Variants in UPRT observed in about 807,000 individuals in gnomAD.
The protein encoded by UPRT is RP11-311P8.3.
In UPRT, 5 loss-of-function variants were observed where a neutral mutation model predicts 22.6. That is an observed-to-expected ratio of 0.22 (90% CI 0.12 to 0.47). The LOEUF (loss-of-function observed/expected upper bound fraction) is 0.47. Among genes scored for constraint, UPRT ranks in the 20% least tolerant of loss-of-function variants. The probability of loss-of-function intolerance (pLI) is 0.99; values close to 1 mark genes in which losing one functional copy is unlikely to be tolerated. For synonymous variants in UPRT, 77 were observed against 87.7 expected, an observed-to-expected ratio of 0.88 and a Z score of 0.68; for missense variants, 181 against 239.9, an observed-to-expected ratio of 0.75 and a Z score of 1.62.
chrX:75,157,282 T>G (rs1392744561), intron 1 of UPRT, among the ~76,000 whole-genome samples: 1 of 112,353 alleles, frequency 8.9e-6, no homozygotes, highest in Non-Finnish European at 1.9e-5. Flanking sequence ...AGAGGTACTT[T>G]GGACTAGTAA....
intron 1 of UPRT, among the ~76,000 whole-genome samples, chrX:75,157,013 T>C (rs1234565395): frequency 2.7e-5 from 3 of 111,383 alleles, no homozygotes; most frequent in African/African-American, 9.8e-5. Context: ...TCTTGAAAAA[T>C]CGCTTAGGTT....
chrX:75,304,387 T>A lies in UPRT; in HGVS notation c.*876T>A, dbSNP rs987203118. ...GATGTTTCTGCTAGAGACCTTTGAT[T>A]TGGAAATTAGTTATTTTGCATGTTT... On this transcript the variant is annotated 3_prime_UTR_variant, in exon 7 of 7. Transcript: ENST00000373383. 1.8e-5 allele frequency: 2 copies of A among 111,334 alleles called. No homozygotes were observed. Among genetic ancestry groups the A allele is most frequent in the African/African-American group, 6.5e-5 (2 of 30,599 alleles). 9.2% of individuals were successfully genotyped at this position (111,334 alleles called of 1,213,427 possible). A position where few individuals can be genotyped will look rare whatever the true frequency, so the allele number is the denominator to read the frequency against.
At chrX:75,228,805 G>T (rs756413828) in intron 4 of UPRT, among the ~76,000 whole-genome samples, 32 of 111,686 alleles carry the variant, frequency 2.9e-4, no homozygotes, top group Non-Finnish European at 5.8e-4. Flanking sequence ...TCAAAAAGTT[G>T]GCAATATGTA....
intron 4 of UPRT, among the ~76,000 whole-genome samples, chrX:75,179,118 A>G (rs1200105879): frequency 1.8e-5 from 2 of 112,203 alleles, no homozygotes; most frequent in Non-Finnish European, 3.8e-5. Context: ...ATAAACCTTG[A>G]GCTAAACACA....
At chrX:75,250,865 G>A (rs900019456) in intron 4 of UPRT, among the ~76,000 whole-genome samples, 3 of 111,816 alleles carry the variant, frequency 2.7e-5, no homozygotes, top group Non-Finnish European at 5.6e-5. Context: ...TATCCACCAT[G>A]ATCAAGTGGG....
At chrX:75,255,816 A>G (rs1028757342) in intron 4 of UPRT, among the ~76,000 whole-genome samples, 5 of 112,093 alleles carry the variant, frequency 4.5e-5, no homozygotes, top group South Asian at 7.4e-4. Context: ...AAGTATCACA[A>G]TCCTAAACAT....
intron 4 of UPRT, among the ~76,000 whole-genome samples, chrX:75,170,891 C>A (rs1233140107): frequency 9.0e-6 from 1 of 111,544 alleles, no homozygotes; most frequent in Admixed American, 9.5e-5. Flanking sequence ...AGGAAGTTAA[C>A]AATAGGACCC....
intron 4 of UPRT, among the ~76,000 whole-genome samples, chrX:75,209,792 C>A (rs995391194): frequency 3.6e-5 from 4 of 112,467 alleles, no homozygotes; most frequent in African/African-American, 1.3e-4. Context: ...GTGACTGTTG[C>A]AAAGTTGAGG....
At chrX:75,218,308 C>G (rs1336504139) in intron 4 of UPRT, among the ~76,000 whole-genome samples, 1 of 110,820 alleles carries the variant, frequency 9.0e-6, no homozygotes, top group Admixed American at 9.6e-5. Flanking sequence ...CACTGGCCAT[C>G]AGAGAAATGC....
chrX:75,266,727 C>T (rs746310677), intron 4 of UPRT, among the ~76,000 whole-genome samples: 40 of 111,239 alleles, frequency 3.6e-4, no homozygotes, highest in South Asian at 3.4e-3. Context: ...CTACAAATAA[C>T]CGAAACACAT....
intron 1 of UPRT, among the ~76,000 whole-genome samples, chrX:75,280,379 T>C (rs2082650365): frequency 8.9e-6 from 1 of 112,212 alleles, no homozygotes; most frequent in African/African-American, 3.2e-5. Context: ...GCCAAAGTTA[T>C]CTTCTAGAAT....
intron 4 of UPRT, among the ~76,000 whole-genome samples, chrX:75,261,789 C>T (rs1460483922): frequency 9.0e-6 from 1 of 111,389 alleles, no homozygotes; most frequent in African/African-American, 3.3e-5. Flanking sequence ...ACTGGCAAAT[C>T]GAATCCAGCA....
chrX:75,163,358 C>A (rs1239305550), intron 3 of UPRT, among the ~76,000 whole-genome samples: 1 of 112,133 alleles, frequency 8.9e-6, no homozygotes. Flanking sequence ...CCAAGATAAT[C>A]TCTTTTTTGA....
In UPRT at chrX:75,303,813, T is replaced by G; in HGVS notation, c.*302T>G. The G allele has an allele frequency of 6.0e-6, 1 of 165,586 alleles. No individual in the cohort carries two copies. The highest frequency in any genetic ancestry group is 1.1e-5 in the Non-Finnish European group (1 of 89,462). 13.6% of individuals were successfully genotyped at this position (165,586 alleles called of 1,213,427 possible). A position where few individuals can be genotyped will look rare whatever the true frequency, so the allele number is the denominator to read the frequency against. On this transcript the variant is annotated 3_prime_UTR_variant, in exon 7 of 7. Transcript: ENST00000373383. ...ATTTATGAGCCTCTTAGTTTGGAGGTTGCTTGAAGCCACAAATAAAACTCA... is the reference window on the plus strand; with the variant it reads ...ATTTATGAGCCTCTTAGTTTGGAGGGTGCTTGAAGCCACAAATAAAACTCA...
At chrX:75,292,154 C>G (rs2147699626) in intron 1 of UPRT, among the ~76,000 whole-genome samples, 1 of 111,715 alleles carries the variant, frequency 9.0e-6, no homozygotes, top group East Asian at 2.8e-4. Flanking sequence ...TTCTAGCTGC[C>G]TAGGTAAGTT....
chrX:75,173,413 C>T (rs1347044281), intron 4 of UPRT, among the ~76,000 whole-genome samples: 1 of 111,281 alleles, frequency 9.0e-6, no homozygotes, highest in Non-Finnish European at 1.9e-5. Flanking sequence ...TACAGAGTGT[C>T]GATTGGTACA....
At chrX:75,185,296 G>T (rs1013943482) in intron 4 of UPRT, among the ~76,000 whole-genome samples, 1 of 111,442 alleles carries the variant, frequency 9.0e-6, no homozygotes, top group Non-Finnish European at 1.9e-5. Context: ...TTTTTGTCTT[G>T]GGTTCTGTGT....
At position 75,265,545 on chromosome X, in the gene UPRT, A is replaced by G. The variant is rs189559052; in HGVS notation, c.-446-25479A>G. On this transcript the variant is annotated intron_variant, in intron 4 of 13. Transcript: ENST00000652605. Reference sequence around the variant, plus strand: ...TTCAGCTCTGTCAGGTCCTTTAAGGACTTCTCTGCATTTGTTATTCTAGTT... The same window carrying G: ...TTCAGCTCTGTCAGGTCCTTTAAGGGCTTCTCTGCATTTGTTATTCTAGTT... Among the ~76,000 whole-genome samples, 16 of 111,219 alleles carry G rather than the reference A, an allele frequency of 1.4e-4. No individual in the cohort carries two copies. The East Asian group carries it at 4.5e-3, about 32-fold the overall frequency.
In UPRT at chrX:75,304,053, G is replaced by A. The variant is rs1436351791; in HGVS notation, c.*542G>A. 4 of 112,584 alleles carry A rather than the reference G, an allele frequency of 3.6e-5. No individual in the cohort carries two copies. The highest frequency in any genetic ancestry group is 7.5e-5 in the Non-Finnish European group (4 of 53,550). 9.3% of individuals were successfully genotyped at this position (112,584 alleles called of 1,213,427 possible). A position where few individuals can be genotyped will look rare whatever the true frequency, so the allele number is the denominator to read the frequency against. On this transcript the variant is annotated 3_prime_UTR_variant, in exon 7 of 7. Coordinates refer to ENST00000373383, the MANE Select transcript of UPRT (RefSeq NM_145052.4). ...CTCATTCAGTTGGCAGACCTAGGAT[G>A]TATGGTTAACTCTCAGGCCATTATG...
Sources: gnomAD v4.1 joint callset for allele counts (sites outside exome capture counted in the v4.1 genomes callset) on GRCh38, gnomAD v4.1.1 for gene constraint, MANE v1.5 for transcripts, NCBI Gene and HGNC (gene_info 2026-07-23, HGNC 2026-07-21) for gene names.